Variants in PTPRD observed in about 807,000 individuals in gnomAD.
PTPRD encodes protein tyrosine phosphatase receptor type D.
In PTPRD, 34 loss-of-function variants were observed where a neutral mutation model predicts 214.5. The observed-to-expected ratio is 0.16, with a 90% confidence interval of 0.12 to 0.21. The LOEUF (loss-of-function observed/expected upper bound fraction) is 0.21, where lower values mean the gene tolerates loss of function less well. Ranked by LOEUF, PTPRD falls within the 10% of genes least tolerant of loss-of-function variation. The probability of loss-of-function intolerance (pLI) is 1.00; values close to 1 mark genes in which losing one functional copy is unlikely to be tolerated. For synonymous variants in PTPRD, 1,128 were observed against 845.7 expected, an observed-to-expected ratio of 1.33 and a Z score of -5.79; for missense variants, 2,545 against 2,398.7, an observed-to-expected ratio of 1.06 and a Z score of -1.27.
chr9:8,893,903 A>G lies in PTPRD; in HGVS notation c.-104+124794T>C, dbSNP rs921781226. ...TGAAAAATTCAAATCCCACAGAACAATTTTATATATCATTAATGAATACAT... is the reference window on the plus strand; with the variant it reads ...TGAAAAATTCAAATCCCACAGAACAGTTTTATATATCATTAATGAATACAT... On this transcript the variant is annotated intron_variant, in intron 11 of 45. Coordinates refer to ENST00000381196, the MANE Select transcript of PTPRD (RefSeq NM_002839.4). Among the ~76,000 whole-genome samples, 3 of 151,942 alleles carry G rather than the reference A, an allele frequency of 2.0e-5. No individual in the cohort carries two copies. In the East Asian group the frequency reaches 5.8e-4, roughly 29 times the overall value.
At chr9:8,641,656 A>G (rs961179245) in intron 12 of PTPRD, among the ~76,000 whole-genome samples, 4 of 152,092 alleles carry the variant, frequency 2.6e-5, no homozygotes, top group Admixed American at 1.3e-4. Flanking sequence ...CTCGCTTGCC[A>G]TTTTCAAAGA....
chr9:9,961,683 G>A (rs1230003702), intron 4 of PTPRD, among the ~76,000 whole-genome samples: 1 of 152,120 alleles, frequency 6.6e-6, no homozygotes, highest in Non-Finnish European at 1.5e-5. Context: ...AACACTGAGT[G>A]CAATTCCATG....
At chr9:9,791,574 G>A (rs2098967594) in intron 5 of PTPRD, among the ~76,000 whole-genome samples, 1 of 152,070 alleles carries the variant, frequency 6.6e-6, no homozygotes. Context: ...TGTTCTGAAA[G>A]CACATTTTTA....
At chr9:8,403,378 C>T (rs1321881151) in intron 36 of PTPRD, among the ~76,000 whole-genome samples, 1 of 152,154 alleles carries the variant, frequency 6.6e-6, no homozygotes, top group Non-Finnish European at 1.5e-5. Context: ...TATGAAGAGG[C>T]CATAAAACTC....
intron 11 of PTPRD, among the ~76,000 whole-genome samples, chr9:8,928,415 G>A (rs1413005677): frequency 2.0e-5 from 3 of 152,028 alleles, no homozygotes; most frequent in African/African-American, 7.2e-5. Flanking sequence ...TCAGTTTTCT[G>A]CATATGGCTA....
At chr9:9,317,157 C>G (rs145924105) in intron 9 of PTPRD, among the ~76,000 whole-genome samples, 4 of 152,230 alleles carry the variant, frequency 2.6e-5, no homozygotes, top group African/African-American at 7.2e-5. Flanking sequence ...ATTTCTCATT[C>G]ACTTACTCCT....
chr9:10,321,049 G>GT (rs1371474553), intron 3 of PTPRD, among the ~76,000 whole-genome samples: 1 of 152,114 alleles, frequency 6.6e-6, no homozygotes, highest in Admixed American at 6.5e-5. Context: ...TGAAATGTGT[G>GT]TAGAGTATTG....
chr9:10,476,077 C>T (rs986835900), intron 2 of PTPRD, among the ~76,000 whole-genome samples: 2 of 151,990 alleles, frequency 1.3e-5, no homozygotes, highest in Admixed American at 6.6e-5. Context: ...TGGCACAAAA[C>T]AAGTTATGCC....
chr9:8,741,694 G>C (rs7035352), intron 11 of PTPRD, among the ~76,000 whole-genome samples: 10,764 of 145,250 alleles, frequency 0.074, 1,051 homozygotes, highest in African/African-American at 0.23. Flanking sequence ...AGGTTCAAGC[G>C]ATTCTCCTGC....
chr9:10,364,600 A>C (rs1283229593), intron 2 of PTPRD, among the ~76,000 whole-genome samples: 1 of 149,300 alleles, frequency 6.7e-6, no homozygotes, highest in Non-Finnish European at 1.5e-5. Flanking sequence ...ATTCTATCCA[A>C]CTATATCTTT....
At chr9:9,239,290 G>C (rs930369635) in intron 9 of PTPRD, among the ~76,000 whole-genome samples, 1 of 151,916 alleles carries the variant, frequency 6.6e-6, no homozygotes, top group Non-Finnish European at 1.5e-5. Flanking sequence ...ATAATCCTTG[G>C]TAAATAAAGA....
chr9:8,581,097 G>GAATA (rs1344436804), intron 14 of PTPRD, among the ~76,000 whole-genome samples: 1 of 152,078 alleles, frequency 6.6e-6, no homozygotes, highest in African/African-American at 2.4e-5. Context: ...ATGGCCCTAA[G>GAATA]AATAAACTCC....
At chr9:9,370,428 A>G (rs572579823) in intron 9 of PTPRD, among the ~76,000 whole-genome samples, 12 of 151,594 alleles carry the variant, frequency 7.9e-5, no homozygotes, top group African/African-American at 2.9e-4. Flanking sequence ...TTATTGGTGT[A>G]TAAGAAGGCT....
chr9:9,823,928 T>C (rs1463237371), intron 5 of PTPRD, among the ~76,000 whole-genome samples: 2 of 152,074 alleles, frequency 1.3e-5, no homozygotes, highest in African/African-American at 2.4e-5. Flanking sequence ...CTCAATTATG[T>C]TGATTTGATC....
At chr9:9,922,932 G>A (rs984237928) in intron 5 of PTPRD, among the ~76,000 whole-genome samples, 3 of 143,918 alleles carry the variant, frequency 2.1e-5, no homozygotes, top group Non-Finnish European at 1.5e-5. Flanking sequence ...TGGCTCAATT[G>A]ATGTAATATA....
At chr9:9,253,618 T>A (rs2099976382) in intron 9 of PTPRD, among the ~76,000 whole-genome samples, 1 of 152,070 alleles carries the variant, frequency 6.6e-6, no homozygotes, top group African/African-American at 2.4e-5. Context: ...GGGTTTAGAG[T>A]CTGCTGGAGT....
At chr9:8,868,366 T>C (rs190781380) in intron 11 of PTPRD, among the ~76,000 whole-genome samples, 1 of 151,446 alleles carries the variant, frequency 6.6e-6, no homozygotes, top group Admixed American at 6.6e-5. Flanking sequence ...ACCTAACTAA[T>C]TTTTTTTTGT....
intron 25 of PTPRD, 22 bp downstream of exon 25, chr9:8,499,625 G>A (rs1280854197): frequency 1.9e-6 from 3 of 1,597,788 alleles, no homozygotes; most frequent in South Asian, 1.1e-5. Context: ...AAAAACAGAG[G>A]TACATAATTT....
chr9:8,432,460 A>G (rs1277694124), intron 35 of PTPRD, among the ~76,000 whole-genome samples: 1 of 152,164 alleles, frequency 6.6e-6, no homozygotes, highest in Non-Finnish European at 1.5e-5. Context: ...TGACCTCAGG[A>G]TCAGTGCAAA....
Sources: gnomAD v4.1 joint callset for allele counts (sites outside exome capture counted in the v4.1 genomes callset) on GRCh38, gnomAD v4.1.1 for gene constraint, MANE v1.5 for transcripts, NCBI Gene and HGNC (gene_info 2026-07-23, HGNC 2026-07-21) for gene names.